CCDC9: variants seen among roughly 807,000 people sequenced by gnomAD.
CCDC9 encodes coiled-coil domain-containing protein 9.
Under a neutral mutation model 65.6 loss-of-function variants are expected in CCDC9, and 52 were observed. The ratio of observed to expected loss-of-function variants is 0.79; its 90% confidence interval spans 0.63 to 1.00. The LOEUF (loss-of-function observed/expected upper bound fraction) is 1.00. CCDC9 is among the 50% of genes least tolerant of loss of function. The pLI is 0.00. For synonymous variants in CCDC9, 332 were observed against 280.3 expected (o/e 1.18, Z -1.84); for missense variants, 834 against 757.2 (o/e 1.10, Z -1.19).
intron 3 of CCDC9, 123 bp downstream of exon 3, chr19:47,258,786 C>T: frequency 2.9e-6 from 2 of 690,028 alleles, no homozygotes; most frequent in Non-Finnish European, 5.1e-6. Context: ...AGGCCAAAGG[C>T]CTTAGCCTGA....
chr19:47,261,316 C>G (rs1320780644), intron 5 of CCDC9, among the ~76,000 whole-genome samples: 1 of 152,118 alleles, frequency 6.6e-6, no homozygotes, highest in Non-Finnish European at 1.5e-5. Flanking sequence ...CTCTGTGTGG[C>G]ATTCTGTTTC....
In CCDC9 at chr19:47,271,728, TGTGTGC is replaced by T. The variant is rs1274028436; in HGVS notation, c.*52_*57del. ...GTGTGTGTGTGTGTGTGTGTGTGTG[TGTGTGC>T]GCGCGCGCGCGCGCGCGCGCGCGCG... On this transcript the variant is annotated 3_prime_UTR_variant, in exon 12 of 12. Coordinates refer to ENST00000221922, the MANE Select transcript of CCDC9 (RefSeq NM_015603.3). The T allele has an allele frequency of 1.7e-4, 156 of 914,084 alleles. No homozygotes were observed. Among genetic ancestry groups the T allele is most frequent in the African/African-American group, 1.1e-3 (33 of 30,532 alleles). The allele number at this position is 914,084 out of a possible 1,614,324, so 56.6% of individuals were successfully genotyped here. A position where few individuals can be genotyped will look rare whatever the true frequency, so the allele number is the denominator to read the frequency against.
downstream of CCDC9, among the ~76,000 whole-genome samples, chr19:47,274,206 G>A (rs1568644547): frequency 6.6e-6 from 1 of 152,116 alleles, no homozygotes; most frequent in African/African-American, 2.4e-5. Context: ...AGGTGCTGAG[G>A]ATACCTGAAA....
chr19:47,260,905 C>T lies in CCDC9; in HGVS notation c.462+66C>T, dbSNP rs1600278318. On this transcript the variant is annotated intron_variant, in intron 5 of 11. Transcript: ENST00000221922. ...CTGTTGTCTGTTTCTGTTTTTTCCTCCTCTCAGATGCACATTTGTCCTGTG... is the reference window on the plus strand; with the variant it reads ...CTGTTGTCTGTTTCTGTTTTTTCCTTCTCTCAGATGCACATTTGTCCTGTG... 9 of 1,545,736 alleles carry T rather than the reference C, an allele frequency of 5.8e-6. No homozygotes were observed. In the East Asian group the frequency reaches 1.1e-4, roughly 20 times the overall value.
downstream of CCDC9, chr19:47,272,160 AG>A: frequency 8.1e-7 from 1 of 1,234,658 alleles, no homozygotes; most frequent in Non-Finnish European, 1.0e-6. Flanking sequence ...AGGCAACTCC[AG>A]GTGGGGGAGT....
At chr19:47,269,071 A>T (rs1157390178) in intron 8 of CCDC9, among the ~76,000 whole-genome samples, 1 of 151,950 alleles carries the variant, frequency 6.6e-6, no homozygotes, top group Non-Finnish European at 1.5e-5. Context: ...ATGCCACTGC[A>T]CTCCAGCCTG....
At chr19:47,274,979 C>A, downstream of CCDC9, 1 of 1,455,386 alleles carries the variant, frequency 6.9e-7, no homozygotes, top group Non-Finnish European at 9.0e-7. Flanking sequence ...CGGGGCTGAG[C>A]GAGGGCCCGC....
At chr19:47,261,893 C>T (rs567949679) in intron 5 of CCDC9, among the ~76,000 whole-genome samples, 12 of 151,136 alleles carry the variant, frequency 7.9e-5, no homozygotes, top group African/African-American at 1.7e-4. Flanking sequence ...TGGTGGCACA[C>T]GCCTGTAATC....
rs1167479448 is a variant in CCDC9 at position 47,271,128 on chromosome 19, G to C, written c.1132G>C (p.Ala378Pro). ...GACAAAAGAAGGGGCAGCATCCCCA[G>C]CCCCTGAGACTCCACAGCCTACTTC... is the stretch of plus-strand genomic sequence containing the variant. Reference protein sequence around the residue: ...WETKEGAASPAPETPQPTSPE... With the variant: ...WETKEGAASPPPETPQPTSPE... The change falls in exon 11 of 12, where the codon GCC (alanine) becomes CCC (proline). Residue 378 changes from alanine to proline, a missense_variant. Coordinates refer to ENST00000221922, the MANE Select transcript of CCDC9 (RefSeq NM_015603.3). 1 of 1,579,332 alleles carries C rather than the reference G, an allele frequency of 6.3e-7. No homozygotes were observed. Among genetic ancestry groups the C allele is most frequent in the Non-Finnish European group, 8.6e-7 (1 of 1,164,430 alleles).
rs202227718 is a variant in CCDC9, at chr19:47,264,905, G to A, written c.679G>A (p.Asp227Asn). 1.4e-5 allele frequency: 21 copies of A among 1,465,390 alleles called. No homozygotes were observed. The highest frequency in any genetic ancestry group is 5.6e-5 in the African/African-American group (4 of 70,882). The allele number at this position is 1,465,390 out of a possible 1,614,324, so 90.8% of individuals were successfully genotyped here. A position where few individuals can be genotyped will look rare whatever the true frequency, so the allele number is the denominator to read the frequency against. Residue 227 changes from aspartate (D) to asparagine (N), a missense_variant, in exon 7 of 12, where the codon GAC becomes AAC. Transcript: ENST00000221922. ...GCACGGCCGCAACTGGGGGGGCCCCGACTTCGAGCGGGTGCGCTGTGGCCT... is the reference window on the plus strand; with the variant it reads ...GCACGGCCGCAACTGGGGGGGCCCCAACTTCGAGCGGGTGCGCTGTGGCCT... Reference protein sequence around the residue: ...RRHGRNWGGPDFERVRCGLEH... With the variant: ...RRHGRNWGGPNFERVRCGLEH...
intron 8 of CCDC9, 69 bp downstream of exon 8, chr19:47,266,861 CCT>C (rs1055853612): frequency 7.1e-5 from 108 of 1,522,084 alleles, no homozygotes; most frequent in Non-Finnish European, 5.7e-5. Context: ...AAGTCCTATG[CCT>C]CTCTCTGGTT....
intron 1 of CCDC9, among the ~76,000 whole-genome samples, chr19:47,257,177 A>C (rs369695994): frequency 2.7e-5 from 4 of 149,884 alleles, no homozygotes; most frequent in East Asian, 4.0e-4. Context: ...AACCCTGGGG[A>C]AGCCATGGGC....
chr19:47,265,691 T>G (rs2059077134), intron 7 of CCDC9, among the ~76,000 whole-genome samples: 1 of 141,362 alleles, frequency 7.1e-6, no homozygotes, highest in Non-Finnish European at 1.6e-5. Flanking sequence ...GGATAAGAGG[T>G]TTTTTTTTTT....
At chr19:47,274,840 G>C, downstream of CCDC9, 1 of 915,202 alleles carries the variant, frequency 1.1e-6, no homozygotes, top group Non-Finnish European at 1.3e-6. Context: ...AGAGAGCGGG[G>C]CGGTCTGCGG....
At chr19:47,275,036 C>G, downstream of CCDC9, 4 of 1,489,944 alleles carry the variant, frequency 2.7e-6, no homozygotes, top group Middle Eastern at 1.7e-4. Context: ...ACTTCCTCTG[C>G]GTCTCGCTAG....
In CCDC9 at chr19:47,260,664, C is replaced by T. The variant is rs1488958770; in HGVS notation, c.287C>T (p.Pro96Leu). The change falls in exon 5 of 12, where the codon CCT becomes CTT. Residue 96 changes from proline to leucine, a missense_variant. Pro to Leu is a moderately conservative substitution (Grantham distance 98). Transcript: ENST00000221922. ...GGGGCCAGCAAGGGGGGCCGGACTC[C>T]TCCACAGCAGGGAGGCCGGGCCGGC... ...PPGASKGGRT[P>L]PQQGGRAGMG... is the part of the protein sequence containing the mutation. 3 of 1,534,336 alleles carry T rather than the reference C, an allele frequency of 2.0e-6. No individual in the cohort carries two copies. The highest frequency in any genetic ancestry group is 4.3e-5 in the Admixed American group (2 of 46,992).
At position 47,263,389 on chromosome 19, in the gene CCDC9, C is replaced by T. The variant is rs182043079; in HGVS notation, c.463-1214C>T. ...CCTGGGCTGAGGTCTGGAGGAAACCCGGCATGAACTTCCAAGAGTCCTTTC... is the reference window on the plus strand; with the variant it reads ...CCTGGGCTGAGGTCTGGAGGAAACCTGGCATGAACTTCCAAGAGTCCTTTC... On this transcript the variant is annotated intron_variant, in intron 5 of 11. Coordinates refer to ENST00000221922, the MANE Select transcript of CCDC9 (RefSeq NM_015603.3). Among the ~76,000 whole-genome samples the T allele has an allele frequency of 7.3e-4, 111 of 152,186 alleles. 5 individuals are homozygous for T. The highest frequency in any genetic ancestry group is 6.5e-3 in the Admixed American group (99 of 15,270).
chr19:47,265,914 C>T (rs565330962), intron 7 of CCDC9, among the ~76,000 whole-genome samples: 4 of 149,134 alleles, frequency 2.7e-5, no homozygotes, highest in African/African-American at 1.0e-4. Flanking sequence ...TCTCTATCTC[C>T]TGACCTCGTG....
chr19:47,274,890 C>T (rs1338110974), downstream of CCDC9: 3 of 1,251,112 alleles, frequency 2.4e-6, no homozygotes, highest in African/African-American at 1.7e-5. Flanking sequence ...CCTGTGCGGT[C>T]TGCGGCGCGG....
Sources: allele counts gnomAD v4.1 joint callset (sites outside exome capture counted in the v4.1 genomes callset), GRCh38; gene constraint gnomAD v4.1.1; transcripts MANE v1.5; gene names NCBI Gene and HGNC (gene_info 2026-07-23, HGNC 2026-07-21).